Variants in AKAP19 observed in about 807,000 individuals in gnomAD.
AKAP19 encodes A-kinase anchoring protein 19.
chr2:190,032,148 T>TA, the AKAP19 span, among the ~76,000 whole-genome samples: 1 of 152,208 alleles, frequency 6.6e-6, no homozygotes, highest in African/African-American at 2.4e-5. Flanking sequence ...AGTTTTCTGT[T>TA]AAGGAGGTCT....
chr2:190,018,441 C>T, the AKAP19 span, among the ~76,000 whole-genome samples: 9 of 151,742 alleles, frequency 5.9e-5, no homozygotes, highest in Non-Finnish European at 1.2e-4. Flanking sequence ...TATTTTGTTG[C>T]ATTTTTTAGT....
chr2:190,182,076 A>G, the AKAP19 span, among the ~76,000 whole-genome samples: 2 of 152,216 alleles, frequency 1.3e-5, no homozygotes, highest in African/African-American at 4.8e-5. Context: ...AAAATTGTAG[A>G]CCAACCTCCA....
At chr2:190,035,139 G>A in the AKAP19 span, among the ~76,000 whole-genome samples, 1 of 151,964 alleles carries the variant, frequency 6.6e-6, no homozygotes, top group Non-Finnish European at 1.5e-5. Flanking sequence ...AGTTGTATAT[G>A]TGTTCAAGAT....
the AKAP19 span, among the ~76,000 whole-genome samples, chr2:190,179,136 G>A: frequency 3.3e-5 from 5 of 152,092 alleles, no homozygotes; most frequent in Non-Finnish European, 7.4e-5. This position sits in a 1 kb window ranked among gnomAD's most constrained non-coding sequence, Gnocchi z 6.0. Flanking sequence ...GGCTGGGTGC[G>A]GTGGCTCACA....
the AKAP19 span, among the ~76,000 whole-genome samples, chr2:189,980,480 A>G: frequency 6.6e-6 from 1 of 152,118 alleles, no homozygotes; most frequent in African/African-American, 2.4e-5. Flanking sequence ...GACTACAAGC[A>G]TGCACCACCA....
chr2:190,140,780 T>C, the AKAP19 span, among the ~76,000 whole-genome samples: 20 of 152,180 alleles, frequency 1.3e-4, no homozygotes, highest in Non-Finnish European at 2.9e-4. Context: ...GTCTTGGGAA[T>C]CAACATTTGG....
the AKAP19 span, among the ~76,000 whole-genome samples, chr2:189,957,219 G>C: frequency 2.0e-5 from 3 of 152,102 alleles, no homozygotes; most frequent in African/African-American, 7.2e-5. Flanking sequence ...CACGATATAA[G>C]GTTCAGATGT....
chr2:189,929,233 T>C, the AKAP19 span, among the ~76,000 whole-genome samples: 1 of 152,158 alleles, frequency 6.6e-6, no homozygotes, highest in African/African-American at 2.4e-5. Context: ...TTTATGTAAC[T>C]TCAGTAACCT....
the AKAP19 span, among the ~76,000 whole-genome samples, chr2:190,186,874 CTA>C: frequency 6.6e-6 from 1 of 152,168 alleles, no homozygotes; most frequent in East Asian, 1.9e-4. This position sits in a 1 kb window ranked among gnomAD's most constrained non-coding sequence, Gnocchi z 5.5. Flanking sequence ...GAGTCTCACT[CTA>C]TCGCCCAGGC....
At chr2:190,021,013 T>C in the AKAP19 span, among the ~76,000 whole-genome samples, 4 of 152,194 alleles carry the variant, frequency 2.6e-5, no homozygotes, top group African/African-American at 9.6e-5. Context: ...TAATATTCCA[T>C]TTTATCCATT....
At chr2:189,971,790 T>C in the AKAP19 span, among the ~76,000 whole-genome samples, 1 of 152,146 alleles carries the variant, frequency 6.6e-6, no homozygotes, top group Non-Finnish European at 1.5e-5. Context: ...TTTTGAGAAG[T>C]GTCTGTTCAT....
the AKAP19 span, among the ~76,000 whole-genome samples, chr2:190,019,451 T>C: frequency 1.2e-4 from 19 of 152,208 alleles, no homozygotes; most frequent in African/African-American, 3.6e-4. Context: ...ACAAGCCAAG[T>C]AGAACTTCCC....
At chr2:190,127,070 A>T in the AKAP19 span, among the ~76,000 whole-genome samples, 3 of 151,962 alleles carry the variant, frequency 2.0e-5, no homozygotes, top group Non-Finnish European at 2.9e-5. Context: ...CTGTTAAGGG[A>T]TATATAGCTG....
At chr2:190,169,646 G>GA in the AKAP19 span, among the ~76,000 whole-genome samples, 1 of 152,242 alleles carries the variant, frequency 6.6e-6, no homozygotes, top group African/African-American at 2.4e-5. Context: ...TTTAGGAGAA[G>GA]ATGTTTAAGC....
the AKAP19 span, among the ~76,000 whole-genome samples, chr2:189,892,486 C>A: frequency 6.6e-6 from 1 of 152,232 alleles, no homozygotes; most frequent in Non-Finnish European, 1.5e-5. Context: ...TTCTAACAGG[C>A]CCCTCTGATG....
the AKAP19 span, among the ~76,000 whole-genome samples, chr2:190,161,752 G>A: frequency 6.6e-6 from 1 of 152,044 alleles, no homozygotes; most frequent in African/African-American, 2.4e-5. Flanking sequence ...ATAGGAATGT[G>A]TTCTGGACTT....
chr2:190,194,260 A>G, the AKAP19 span, among the ~76,000 whole-genome samples: 1 of 152,182 alleles, frequency 6.6e-6, no homozygotes, highest in Non-Finnish European at 1.5e-5. Flanking sequence ...AAGTTGGAGC[A>G]TAATGTTGTT....
the AKAP19 span, among the ~76,000 whole-genome samples, chr2:190,093,709 A>G: frequency 6.6e-6 from 1 of 152,120 alleles, no homozygotes; most frequent in Admixed American, 6.5e-5. Flanking sequence ...CTTCGCTTTC[A>G]TTCAGTCTTT....
the AKAP19 span, among the ~76,000 whole-genome samples, chr2:189,983,631 G>T: frequency 6.6e-6 from 1 of 152,134 alleles, no homozygotes; most frequent in East Asian, 1.9e-4. Flanking sequence ...CATTTCCTTT[G>T]TCCCAAGGGA....
Sources: gnomAD v4.1 joint callset for allele counts (sites outside exome capture counted in the v4.1 genomes callset) on GRCh38, gnomAD v4.1.1 for gene constraint, Gnocchi (gnomAD v3.1) non-coding constraint, MANE v1.5 for transcripts, NCBI Gene and HGNC (gene_info 2026-07-23, HGNC 2026-07-21) for gene names.